The following GABRB1 variants were observed in gnomAD, a reference collection of about 807,000 sequenced individuals.
The protein encoded by GABRB1 is gamma-aminobutyric acid type A receptor subunit beta1.
A neutral mutation model predicts 51.6 loss-of-function variants in GABRB1; 17 were observed. The ratio of observed to expected loss-of-function variants is 0.33; its 90% CI spans 0.23 to 0.49. The LOEUF is 0.49. Ranked by LOEUF, GABRB1 falls within the 20% of genes least tolerant of loss-of-function variation. The pLI, the probability that GABRB1 is intolerant of heterozygous loss-of-function variation, is 0.99. For synonymous variants in GABRB1, 247 were observed against 218.9 expected (o/e 1.13, Z -1.14); for missense variants, 410 against 600.6 (o/e 0.68, Z 3.32).
intron 5 of GABRB1, among the ~76,000 whole-genome samples, chr4:47,360,672 A>G (rs1726776704): frequency 6.6e-6 from 1 of 152,096 alleles, no homozygotes; most frequent in Admixed American, 6.6e-5. Context: ...TAAAATCTCT[A>G]TTATTACAAT....
At chr4:47,061,923 A>G (rs963289264) in intron 3 of GABRB1, among the ~76,000 whole-genome samples, 1 of 152,058 alleles carries the variant, frequency 6.6e-6, no homozygotes, top group African/African-American at 2.4e-5. Context: ...ATTCATTCTT[A>G]TTTTTCATTC....
At chr4:47,040,076 T>C (rs1254258837) in intron 3 of GABRB1, among the ~76,000 whole-genome samples, 5 of 152,172 alleles carry the variant, frequency 3.3e-5, no homozygotes, top group Non-Finnish European at 1.5e-5. Context: ...TTTGAACTCT[T>C]GGCTTTAAAA....
intron 1 of GABRB1, among the ~76,000 whole-genome samples, chr4:46,997,483 G>C (rs1456026893): frequency 6.6e-6 from 1 of 151,388 alleles, no homozygotes. Flanking sequence ...TACGCTTCAA[G>C]CTGTATCTCC....
chr4:47,317,799 A>C (rs753061968), intron 4 of GABRB1, among the ~76,000 whole-genome samples: 6 of 151,824 alleles, frequency 4.0e-5, no homozygotes, highest in Non-Finnish European at 7.4e-5. Flanking sequence ...AGTTTAGCGC[A>C]AATGACCAAA....
chr4:47,162,431 T>C (rs1718001708), intron 4 of GABRB1, among the ~76,000 whole-genome samples: 1 of 151,702 alleles, frequency 6.6e-6, no homozygotes, highest in African/African-American at 2.4e-5. Flanking sequence ...ATATAAAAAG[T>C]TGATTGGTTT....
chr4:47,001,038 C>A (rs770647411), intron 1 of GABRB1, among the ~76,000 whole-genome samples: 1 of 152,164 alleles, frequency 6.6e-6, no homozygotes, highest in Non-Finnish European at 1.5e-5. Flanking sequence ...AATTGAATAG[C>A]ATTTTATAAG....
intron 7 of GABRB1, among the ~76,000 whole-genome samples, chr4:47,404,489 GCACACACACACACACACA>G (rs56335154): frequency 6.9e-6 from 1 of 145,656 alleles, no homozygotes; most frequent in Non-Finnish European, 1.5e-5. Flanking sequence ...ACACACGCAT[GCACACACACACACACACA>G]CACACACACA....
At chr4:47,331,961 T>G (rs1296650558) in intron 5 of GABRB1, among the ~76,000 whole-genome samples, 1 of 152,180 alleles carries the variant, frequency 6.6e-6, no homozygotes, top group African/African-American at 2.4e-5. Context: ...CTTAATACTG[T>G]CTTCACAAAA....
chr4:47,298,678 G>T (rs1419953121), intron 4 of GABRB1, among the ~76,000 whole-genome samples: 1 of 152,142 alleles, frequency 6.6e-6, no homozygotes. Context: ...GTAATTTATA[G>T]GTTCAATGCC....
At chr4:47,317,128 G>T (rs918456665) in intron 4 of GABRB1, among the ~76,000 whole-genome samples, 2 of 151,798 alleles carry the variant, frequency 1.3e-5, no homozygotes, top group Non-Finnish European at 2.9e-5. Flanking sequence ...TTGTTGTTGG[G>T]GACTGTCCTG....
At chr4:47,087,694 G>C (rs1437402829) in intron 3 of GABRB1, among the ~76,000 whole-genome samples, 1 of 152,046 alleles carries the variant, frequency 6.6e-6, no homozygotes, top group Admixed American at 6.5e-5. Flanking sequence ...AAACATTTTA[G>C]AAGTGTTTTG....
At chr4:47,122,933 C>G (rs888700496) in intron 3 of GABRB1, among the ~76,000 whole-genome samples, 5 of 152,246 alleles carry the variant, frequency 3.3e-5, no homozygotes, top group Admixed American at 6.5e-5. Flanking sequence ...AGAATACTAG[C>G]CCTAACTCAG....
chr4:47,299,568 A>C (rs951025340), intron 4 of GABRB1, among the ~76,000 whole-genome samples: 3 of 152,214 alleles, frequency 2.0e-5, no homozygotes, highest in Non-Finnish European at 4.4e-5. Flanking sequence ...TAGAATGACC[A>C]TCATTCAAAA....
intron 2 of GABRB1, 118 bp downstream of exon 2, chr4:47,032,123 C>T: frequency 6.8e-6 from 4 of 587,634 alleles, no homozygotes; most frequent in Non-Finnish European, 8.7e-6. Context: ...TGCACTATAC[C>T]CTGGGCACAC....
At chr4:47,203,902 T>C (rs1720008829) in intron 4 of GABRB1, among the ~76,000 whole-genome samples, 1 of 152,106 alleles carries the variant, frequency 6.6e-6, no homozygotes, top group Non-Finnish European at 1.5e-5. Flanking sequence ...ATTCTGGGGT[T>C]GAGAAAATGA....
chr4:47,326,540 G>C lies in GABRB1; in HGVS notation c.544+6331G>C, dbSNP rs570638038. On this transcript the variant is annotated intron_variant, in intron 5 of 8. Transcript: ENST00000295454. ...AATATGTACATATAGAAAAAACATA[G>C]TATATGTAGGGTTTGGTACTATTTG... Among the ~76,000 whole-genome samples the C allele has an allele frequency of 5.3e-5, 8 of 152,126 alleles. No homozygotes were observed. The South Asian group carries it at 1.7e-3, about 32-fold the overall frequency.
intron 3 of GABRB1, among the ~76,000 whole-genome samples, chr4:47,139,265 T>C (rs751183223): frequency 2.6e-5 from 4 of 152,036 alleles, no homozygotes; most frequent in Non-Finnish European, 5.9e-5. Flanking sequence ...ATCTCTCATA[T>C]TGCTCAGACC....
intron 4 of GABRB1, among the ~76,000 whole-genome samples, chr4:47,317,775 C>G (rs982804593): frequency 2.0e-5 from 3 of 151,614 alleles, no homozygotes; most frequent in South Asian, 2.1e-4. Context: ...GAAAAAGAAG[C>G]CTTTATTGCT....
intron 3 of GABRB1, among the ~76,000 whole-genome samples, chr4:47,057,064 C>T (rs571212265): frequency 6.6e-6 from 1 of 152,092 alleles, no homozygotes; most frequent in African/African-American, 2.4e-5. Context: ...GAGATCACGC[C>T]GCTGCACTCC....
Sources: allele counts gnomAD v4.1 joint callset (sites outside exome capture counted in the v4.1 genomes callset), GRCh38; gene constraint gnomAD v4.1.1; transcripts MANE v1.5; gene names NCBI Gene and HGNC (gene_info 2026-07-23, HGNC 2026-07-21).